Variants in LSAMP observed in about 807,000 individuals in gnomAD.
The protein encoded by LSAMP is limbic system associated membrane protein.
In LSAMP, 7 loss-of-function variants were observed where a neutral mutation model predicts 38.6. The observed-to-expected ratio is 0.18, with a 90% CI of 0.10 to 0.34. LSAMP has a LOEUF of 0.34. Ranked by LOEUF, LSAMP falls within the 10% of genes least tolerant of loss-of-function variation. The probability of loss-of-function intolerance (pLI) is 1.00; values close to 1 mark genes in which losing one functional copy is unlikely to be tolerated. For synonymous variants in LSAMP, 154 were observed against 166.8 expected (o/e 0.92, Z 0.59); for missense variants, 313 against 420.0 (o/e 0.75, Z 2.23).
At chr3:116,374,830 C>T (rs1217447264) in intron 1 of LSAMP, among the ~76,000 whole-genome samples, 4 of 151,900 alleles carry the variant, frequency 2.6e-5, no homozygotes, top group African/African-American at 7.2e-5. Flanking sequence ...AGATCACAAA[C>T]TGAGCTCTCC....
chr3:115,994,724 A>C (rs1239323173), intron 3 of LSAMP, among the ~76,000 whole-genome samples: 1 of 152,100 alleles, frequency 6.6e-6, no homozygotes, highest in Non-Finnish European at 1.5e-5. Context: ...TTTATACTAG[A>C]ATGAAAAATG....
intron 1 of LSAMP, among the ~76,000 whole-genome samples, chr3:116,373,186 T>C (rs2048452553): frequency 6.6e-6 from 1 of 151,306 alleles, no homozygotes; most frequent in Non-Finnish European, 1.5e-5. Flanking sequence ...GACAGATAAA[T>C]AGATAAGCAA....
At chr3:116,043,672 G>A (rs1343122660) in intron 2 of LSAMP, among the ~76,000 whole-genome samples, 2 of 152,170 alleles carry the variant, frequency 1.3e-5, no homozygotes, top group East Asian at 1.9e-4. Context: ...CTTGCCGGGC[G>A]CGGTGGCTCA....
intron 2 of LSAMP, among the ~76,000 whole-genome samples, chr3:116,023,604 C>CA (rs71141849): frequency 0.011 from 821 of 77,548 alleles, 8 homozygotes; most frequent in African/African-American, 0.023. Context: ...GACTCCGTCT[C>CA]AAAAAAAAAA....
At chr3:116,422,871 T>C (rs981893001) in intron 1 of LSAMP, among the ~76,000 whole-genome samples, 1 of 152,210 alleles carries the variant, frequency 6.6e-6, no homozygotes, top group African/African-American at 2.4e-5. Context: ...AAAATATCCT[T>C]TTCATAGTTT....
At chr3:115,872,890 G>A (rs886127795) in intron 3 of LSAMP, among the ~76,000 whole-genome samples, 1 of 152,102 alleles carries the variant, frequency 6.6e-6, no homozygotes, top group Non-Finnish European at 1.5e-5. Flanking sequence ...AACTAGGCAT[G>A]TGCTAAGCAA....
intron 1 of LSAMP, among the ~76,000 whole-genome samples, chr3:116,368,857 C>G (rs1287349322): frequency 6.6e-6 from 1 of 151,982 alleles, no homozygotes; most frequent in Non-Finnish European, 1.5e-5. Context: ...TTTTAGAAAA[C>G]AAGCAGCATT....
chr3:115,978,439 A>G (rs1452963720), intron 3 of LSAMP, among the ~76,000 whole-genome samples: 1 of 152,102 alleles, frequency 6.6e-6, no homozygotes, highest in Non-Finnish European at 1.5e-5. Flanking sequence ...ATTCTAATCC[A>G]GTACTCTTCC....
intron 1 of LSAMP, among the ~76,000 whole-genome samples, chr3:116,255,400 T>G (rs922214602): frequency 6.6e-6 from 1 of 152,176 alleles, no homozygotes; most frequent in African/African-American, 2.4e-5. Flanking sequence ...CTTAAAAGTC[T>G]TTGGTTAGAG....
At chr3:116,395,126 C>T (rs1027967521) in intron 1 of LSAMP, among the ~76,000 whole-genome samples, 1 of 152,126 alleles carries the variant, frequency 6.6e-6, no homozygotes, top group Non-Finnish European at 1.5e-5. Flanking sequence ...TACCTTGCTT[C>T]ACATGTAGTG....
intron 3 of LSAMP, among the ~76,000 whole-genome samples, chr3:115,909,901 C>A (rs578172860): frequency 1.3e-5 from 2 of 152,214 alleles, no homozygotes; most frequent in Admixed American, 6.5e-5. Flanking sequence ...GTGTTTCACT[C>A]TTCTAAAAAG....
intron 2 of LSAMP, among the ~76,000 whole-genome samples, chr3:116,083,818 G>T (rs1227027727): frequency 6.6e-6 from 1 of 152,186 alleles, no homozygotes; most frequent in Non-Finnish European, 1.5e-5. Context: ...AATGGGAACA[G>T]TGTGAATGGA....
intron 1 of LSAMP, among the ~76,000 whole-genome samples, chr3:116,255,310 G>GC (rs2046735266): frequency 6.6e-6 from 1 of 152,122 alleles, no homozygotes; most frequent in Non-Finnish European, 1.5e-5. Flanking sequence ...AAGAATGTTG[G>GC]CCAGAGAGCT....
chr3:116,366,013 T>TAAAAAAAAAAAAAAAAA lies in LSAMP; in HGVS notation c.155+78847_155+78863dup, dbSNP rs67452614. ...ATGTACCCTAAAACTTAGAGTATAA[T>TAAAAAAAAAAAAAAAAA]AAAAAAAAAAAAAAAAAAAAAAAAA... On this transcript the variant is annotated intron_variant, in intron 1 of 6. Coordinates refer to ENST00000490035, the MANE Select transcript of LSAMP (RefSeq NM_002338.5). Among the ~76,000 whole-genome samples, 7 of 28,686 alleles carry TAAAAAAAAAAAAAAAAA rather than the reference T, an allele frequency of 2.4e-4. 1 individual carries two copies. Among genetic ancestry groups the TAAAAAAAAAAAAAAAAA allele is most frequent in the East Asian group, 3.6e-3 (2 of 556 alleles). The allele number at this position is 28,686 out of a possible 152,430, so 18.8% of individuals were successfully genotyped here.
chr3:115,856,963 G>A (rs895755448), intron 3 of LSAMP, among the ~76,000 whole-genome samples: 3 of 152,204 alleles, frequency 2.0e-5, no homozygotes, highest in African/African-American at 4.8e-5. Context: ...AAGTGGCTAA[G>A]TATTTCTGTC....
At chr3:116,228,066 T>C (rs2046362104) in intron 1 of LSAMP, among the ~76,000 whole-genome samples, 1 of 152,140 alleles carries the variant, frequency 6.6e-6, no homozygotes, top group African/African-American at 2.4e-5. Flanking sequence ...TAGTAGACTT[T>C]GCCTTCTAAT....
chr3:116,015,525 A>G (rs547202282), intron 3 of LSAMP, among the ~76,000 whole-genome samples: 1 of 152,290 alleles, frequency 6.6e-6, no homozygotes, highest in Non-Finnish European at 1.5e-5. Context: ...TAATAACTAC[A>G]TGTGTGACAC....
At chr3:116,237,892 C>A (rs560373568) in intron 1 of LSAMP, among the ~76,000 whole-genome samples, 2 of 152,272 alleles carry the variant, frequency 1.3e-5, no homozygotes, top group South Asian at 2.1e-4. Flanking sequence ...ACAAATAAAT[C>A]TCTTGAGCAG....
In LSAMP at chr3:116,222,720, C is replaced by CTTTTTTTTTTTTTT. The variant is rs71141863; in HGVS notation, c.156-136178_156-136165dup. On this transcript the variant is annotated intron_variant, in intron 1 of 6. Coordinates refer to ENST00000490035, the MANE Select transcript of LSAMP (RefSeq NM_002338.5). ...TTTTTTGCTCACCTTTCATCCTCTCCTTTTTTTTTTTTTTTTTTTTTTTTT... is the reference window on the plus strand; with the variant it reads ...TTTTTTGCTCACCTTTCATCCTCTCCTTTTTTTTTTTTTTTTTTTTTTTTTTTTTTTTTTTTTTT... Among the ~76,000 whole-genome samples, 6 of 49,942 alleles carry CTTTTTTTTTTTTTT rather than the reference C, an allele frequency of 1.2e-4. 1 individual carries two copies. Among genetic ancestry groups the CTTTTTTTTTTTTTT allele is most frequent in the African/African-American group, 4.3e-4 (5 of 11,542 alleles). The allele number at this position is 49,942 out of a possible 152,430, so 32.8% of individuals were successfully genotyped here.
Sources: allele counts gnomAD v4.1 joint callset (sites outside exome capture counted in the v4.1 genomes callset), GRCh38; gene constraint gnomAD v4.1.1; transcripts MANE v1.5; gene names NCBI Gene and HGNC (gene_info 2026-07-23, HGNC 2026-07-21).